CLEC16A: variants seen among roughly 807,000 people sequenced by gnomAD.
The protein encoded by CLEC16A is C-type lectin domain containing 16A, also known as protein CLEC16A.
CLEC16A carries 51 observed loss-of-function variants against 109.5 expected under a neutral mutation model. That is an observed-to-expected ratio of 0.47 (90% CI 0.37 to 0.59). CLEC16A has a LOEUF of 0.59. Among genes scored for constraint, CLEC16A ranks in the 20% least tolerant of loss-of-function variants. The pLI is 0.00. For synonymous variants in CLEC16A, 673 were observed against 564.2 expected (o/e 1.19, Z -2.73); for missense variants, 1,339 against 1,394.0 (o/e 0.96, Z 0.63).
intron 19 of CLEC16A, among the ~76,000 whole-genome samples, chr16:11,103,687 G>A (rs2051053754): frequency 6.6e-6 from 1 of 152,132 alleles, no homozygotes; most frequent in Admixed American, 6.5e-5. Context: ...CCCCTGCTGT[G>A]GCTCTTGTCC....
At chr16:10,985,606 C>G (rs2043597485) in intron 10 of CLEC16A, among the ~76,000 whole-genome samples, 1 of 151,734 alleles carries the variant, frequency 6.6e-6, no homozygotes, top group Non-Finnish European at 1.5e-5. Flanking sequence ...GTGGCTTCAT[C>G]TCAGATTGTC....
intron 13 of CLEC16A, chr16:11,027,216 G>T: frequency 7.0e-7 from 1 of 1,437,094 alleles, no homozygotes; most frequent in Non-Finnish European, 9.7e-7. Context: ...GCAGAAACCT[G>T]ACAAGGTGCA....
intron 9 of CLEC16A, among the ~76,000 whole-genome samples, chr16:10,979,677 G>A (rs889363150): frequency 1.3e-5 from 2 of 152,160 alleles, no homozygotes; most frequent in Non-Finnish European, 2.9e-5. Context: ...ACTGAGGAGT[G>A]CTTGAAATGC....
intron 13 of CLEC16A, among the ~76,000 whole-genome samples, chr16:11,030,515 A>G (rs990372973): frequency 1.3e-5 from 2 of 152,200 alleles, no homozygotes; most frequent in African/African-American, 2.4e-5. Flanking sequence ...CCCTAATGAC[A>G]TTGAACATCT....
At chr16:11,166,902 T>A (rs1410669853) in intron 23 of CLEC16A, among the ~76,000 whole-genome samples, 1 of 152,150 alleles carries the variant, frequency 6.6e-6, no homozygotes, top group Non-Finnish European at 1.5e-5. Flanking sequence ...GGGGATTGTT[T>A]GCAGTCTAGG....
intron 21 of CLEC16A, among the ~76,000 whole-genome samples, chr16:11,124,527 G>C (rs2052658572): frequency 6.6e-6 from 1 of 152,202 alleles, no homozygotes; most frequent in Non-Finnish European, 1.5e-5. Flanking sequence ...GAATTTCTGA[G>C]GAAGCCCAAC....
At chr16:11,137,587 T>TAA (rs5815617) in intron 22 of CLEC16A, among the ~76,000 whole-genome samples, 7,574 of 59,148 alleles carry the variant, frequency 0.13, 624 homozygotes, top group South Asian at 0.19. Context: ...AGACTCCATC[T>TAA]AAAAAAAAAA....
At chr16:11,007,055 A>C (rs763461577) in intron 11 of CLEC16A, among the ~76,000 whole-genome samples, 1 of 152,216 alleles carries the variant, frequency 6.6e-6, no homozygotes, top group South Asian at 2.1e-4. Context: ...AAGGACAGTT[A>C]TCTCTTTTGG....
At chr16:11,019,575 C>A (rs1159592769) in intron 11 of CLEC16A, among the ~76,000 whole-genome samples, 1 of 152,136 alleles carries the variant, frequency 6.6e-6, no homozygotes, top group East Asian at 1.9e-4. Flanking sequence ...TCGAGACCAG[C>A]CTGGCCAACA....
At chr16:10,986,761 G>GTGTGTGTGTGTA (rs1204658264) in intron 10 of CLEC16A, among the ~76,000 whole-genome samples, 2 of 148,988 alleles carry the variant, frequency 1.3e-5, no homozygotes, top group African/African-American at 5.0e-5. Flanking sequence ...GTGTGTGTGT[G>GTGTGTGTGTGTA]TACCAAGAAA....
At chr16:10,962,239 G>A (rs182929097) in intron 2 of CLEC16A, among the ~76,000 whole-genome samples, 2 of 152,210 alleles carry the variant, frequency 1.3e-5, no homozygotes, top group African/African-American at 4.8e-5. Context: ...ATGAGCCACT[G>A]TGCCCAGATC....
At chr16:11,033,971 A>G (rs1234749646) in intron 13 of CLEC16A, among the ~76,000 whole-genome samples, 2 of 152,162 alleles carry the variant, frequency 1.3e-5, no homozygotes, top group East Asian at 3.8e-4. Flanking sequence ...TGTATCTTGA[A>G]GGTTCCCCAG....
chr16:11,011,580 T>A (rs2045416106), intron 11 of CLEC16A, among the ~76,000 whole-genome samples: 1 of 152,096 alleles, frequency 6.6e-6, no homozygotes, highest in African/African-American at 2.4e-5. Context: ...AATTAACCAT[T>A]TCTCTGGCTC....
At chr16:11,005,449 C>A (rs2044942166) in intron 11 of CLEC16A, among the ~76,000 whole-genome samples, 1 of 152,182 alleles carries the variant, frequency 6.6e-6, no homozygotes, top group South Asian at 2.1e-4. Context: ...ACAGTTGGTG[C>A]TTCAGGGCTC....
chr16:11,145,101 G>A (rs2053997222), intron 22 of CLEC16A, among the ~76,000 whole-genome samples: 1 of 152,134 alleles, frequency 6.6e-6, no homozygotes, highest in South Asian at 2.1e-4. Flanking sequence ...TGAGGATAGG[G>A]GTCAGCAGGA....
chr16:11,055,213 G>A (rs2048147761), intron 18 of CLEC16A, among the ~76,000 whole-genome samples: 1 of 152,180 alleles, frequency 6.6e-6, no homozygotes, highest in South Asian at 2.1e-4. Context: ...ACAAGTAAGA[G>A]AATAGCAGGT....
intron 10 of CLEC16A, among the ~76,000 whole-genome samples, chr16:11,001,765 G>A (rs1278827329): frequency 2.0e-5 from 3 of 151,964 alleles, no homozygotes; most frequent in East Asian, 1.9e-4. Flanking sequence ...CCTCAGCCCC[G>A]CAAAGTGCTG....
At chr16:11,038,856 A>G (rs2047166454) in intron 13 of CLEC16A, among the ~76,000 whole-genome samples, 1 of 152,140 alleles carries the variant, frequency 6.6e-6, no homozygotes, top group Non-Finnish European at 1.5e-5. Context: ...AGAAAGGCTT[A>G]GCTTAGTGTC....
Position 10,954,813 on chromosome 16 carries a change from C to G in CLEC16A, c.81-2969C>G, listed in dbSNP as rs1195597734. ...TCCCATCACGACTCCTGCCCTGAAG[C>G]CCTCTTTCCCTGTTTGAATCTAGCC... On this transcript the variant is annotated intron_variant, in intron 1 of 23. Transcript: ENST00000409790. This position sits in a 1 kb window ranked among gnomAD's most constrained non-coding sequence, Gnocchi z 4.2. Among the ~76,000 whole-genome samples, 10 of 152,230 alleles carry G rather than the reference C, an allele frequency of 6.6e-5. No homozygotes were observed. Among genetic ancestry groups the G allele is most frequent in the Admixed American group, 1.3e-4 (2 of 15,286 alleles).
Sources: allele counts gnomAD v4.1 joint callset (sites outside exome capture counted in the v4.1 genomes callset), GRCh38; gene constraint gnomAD v4.1.1; non-coding constraint Gnocchi (gnomAD v3.1); transcripts MANE v1.5; gene names NCBI Gene and HGNC (gene_info 2026-07-23, HGNC 2026-07-21).